The following PTPRD variants were observed in gnomAD, a reference collection of about 807,000 sequenced individuals.
PTPRD encodes the protein receptor-type tyrosine-protein phosphatase delta.
PTPRD carries 34 observed loss-of-function variants against 214.5 expected under a neutral mutation model. The ratio of observed to expected loss-of-function variants is 0.16; its 90% CI spans 0.12 to 0.21. The LOEUF is 0.21. Among genes scored for constraint, PTPRD ranks in the 10% least tolerant of loss-of-function variants. The pLI, the probability that PTPRD is intolerant of heterozygous loss-of-function variation, is 1.00. For synonymous variants in PTPRD, 1,128 were observed against 845.7 expected, an observed-to-expected ratio of 1.33 and a Z score of -5.79; for missense variants, 2,545 against 2,398.7, an observed-to-expected ratio of 1.06 and a Z score of -1.27.
intron 12 of PTPRD, among the ~76,000 whole-genome samples, chr9:8,697,417 C>CTTTTT (rs752677458): frequency 3.8e-4 from 24 of 63,238 alleles, no homozygotes; most frequent in East Asian, 9.4e-4. Flanking sequence ...TTTTTATGTA[C>CTTTTT]TTTTTTTTTT....
intron 9 of PTPRD, among the ~76,000 whole-genome samples, chr9:9,378,736 T>TTG (rs2061430191): frequency 6.6e-6 from 1 of 152,124 alleles, no homozygotes; most frequent in Admixed American, 6.6e-5. Context: ...TATATCGTTG[T>TTG]TTGAATTCAC....
chr9:9,765,867 T>G (rs1488493177), intron 6 of PTPRD, among the ~76,000 whole-genome samples: 1 of 152,144 alleles, frequency 6.6e-6, no homozygotes, highest in African/African-American at 2.4e-5. Context: ...TTTCACCGTG[T>G]TAGCCAGGAT....
chr9:8,505,729 C>G (rs2097531920), intron 22 of PTPRD, among the ~76,000 whole-genome samples: 1 of 150,872 alleles, frequency 6.6e-6, no homozygotes, highest in African/African-American at 2.4e-5. Flanking sequence ...CAAAAGTTTT[C>G]AGGAATTTTA....
At chr9:8,839,300 T>TTTTATTTATTTGTTTGTTTA (rs1389844462) in intron 11 of PTPRD, among the ~76,000 whole-genome samples, 1 of 150,326 alleles carries the variant, frequency 6.7e-6, no homozygotes, top group African/African-American at 2.4e-5. Context: ...ACCAAGGGGA[T>TTTTATTTATTTGTTTGTTTA]TTTATTTATT....
chr9:8,355,885 G>T (rs992408012), intron 39 of PTPRD, among the ~76,000 whole-genome samples: 15 of 152,232 alleles, frequency 9.9e-5, no homozygotes, highest in Non-Finnish European at 1.9e-4. Context: ...TTTGGGTAAT[G>T]AGGATACAGG....
chr9:8,459,290 G>C lies in PTPRD; in HGVS notation c.3875+1121C>G, dbSNP rs191981449. On this transcript the variant is annotated intron_variant, in intron 33 of 45. Coordinates refer to ENST00000381196, the MANE Select transcript of PTPRD (RefSeq NM_002839.4). ...CTCTTTTTAGATTCTGAAGGCCAAG[G>C]TTAGGGACAGGGAGAGAAGCTATCT... Among the ~76,000 whole-genome samples the C allele has an allele frequency of 3.3e-5, 5 of 152,142 alleles. No homozygotes were observed. The East Asian group carries it at 9.7e-4, about 29-fold the overall frequency.
chr9:10,356,293 A>G (rs1222011663), intron 2 of PTPRD, among the ~76,000 whole-genome samples: 1 of 152,150 alleles, frequency 6.6e-6, no homozygotes, highest in Non-Finnish European at 1.5e-5. Context: ...TGTCTGTTCC[A>G]TGCTGCCCAT....
chr9:9,322,518 A>G (rs1007352502), intron 9 of PTPRD, among the ~76,000 whole-genome samples: 1 of 152,106 alleles, frequency 6.6e-6, no homozygotes, highest in Admixed American at 6.6e-5. Context: ...CTTCTCATAT[A>G]CCTAGGTTTA....
intron 3 of PTPRD, among the ~76,000 whole-genome samples, chr9:10,212,516 G>C (rs1260312432): frequency 6.6e-6 from 1 of 152,058 alleles, no homozygotes; most frequent in Non-Finnish European, 1.5e-5. Flanking sequence ...TATTCCAACA[G>C]GAGTGTTTTA....
At chr9:10,440,238 C>T (rs1007891621) in intron 2 of PTPRD, among the ~76,000 whole-genome samples, 1 of 151,512 alleles carries the variant, frequency 6.6e-6, no homozygotes, top group Non-Finnish European at 1.5e-5. Context: ...TCAGGTATTC[C>T]TTTAAATACT....
At chr9:8,450,722 C>G (rs1342522717) in intron 33 of PTPRD, among the ~76,000 whole-genome samples, 5 of 152,182 alleles carry the variant, frequency 3.3e-5, no homozygotes, top group Non-Finnish European at 5.9e-5. Context: ...CAAGAAATGT[C>G]AGATCTGTAT....
chr9:9,912,981 C>T (rs1353551870), intron 5 of PTPRD, among the ~76,000 whole-genome samples: 1 of 152,092 alleles, frequency 6.6e-6, no homozygotes, highest in Non-Finnish European at 1.5e-5. Flanking sequence ...TAAAGACAAG[C>T]ACATTAAATA....
intron 2 of PTPRD, among the ~76,000 whole-genome samples, chr9:10,518,250 C>A (rs1351685851): frequency 6.6e-6 from 1 of 151,922 alleles, no homozygotes; most frequent in Non-Finnish European, 1.5e-5. Context: ...TTTCAATCAC[C>A]AACTACATAA....
chr9:9,899,672 A>G (rs1487127532), intron 5 of PTPRD, among the ~76,000 whole-genome samples: 3 of 152,056 alleles, frequency 2.0e-5, no homozygotes, highest in Non-Finnish European at 4.4e-5. Flanking sequence ...TAGAACCACC[A>G]TATAAGCCAG....
intron 12 of PTPRD, among the ~76,000 whole-genome samples, chr9:8,673,575 C>T (rs2097333187): frequency 6.6e-6 from 1 of 152,094 alleles, no homozygotes; most frequent in Non-Finnish European, 1.5e-5. Context: ...GATGACTTTG[C>T]CTCTTCCTTC....
At chr9:9,142,133 G>C (rs1052292711) in intron 10 of PTPRD, among the ~76,000 whole-genome samples, 3 of 152,216 alleles carry the variant, frequency 2.0e-5, no homozygotes, top group African/African-American at 7.2e-5. Flanking sequence ...AACAAGTGTG[G>C]GTTGTGGACA....
intron 5 of PTPRD, among the ~76,000 whole-genome samples, chr9:9,786,499 C>A (rs2098925188): frequency 6.6e-6 from 1 of 152,116 alleles, no homozygotes; most frequent in African/African-American, 2.4e-5. Context: ...AATGCTAATA[C>A]TGAAAACAGC....
intron 11 of PTPRD, among the ~76,000 whole-genome samples, chr9:8,805,640 T>C (rs1412580019): frequency 1.3e-5 from 2 of 151,696 alleles, no homozygotes; most frequent in South Asian, 2.1e-4. Context: ...TTCACTCTTG[T>C]TGCCCAGGCT....
intron 7 of PTPRD, among the ~76,000 whole-genome samples, chr9:9,593,996 G>A (rs2093028669): frequency 6.6e-6 from 1 of 151,974 alleles, no homozygotes; most frequent in Admixed American, 6.6e-5. Context: ...TGACAATATA[G>A]GATAGTACAG....
Sources: gnomAD v4.1 joint callset for allele counts (sites outside exome capture counted in the v4.1 genomes callset) on GRCh38, gnomAD v4.1.1 for gene constraint, MANE v1.5 for transcripts, NCBI Gene and HGNC (gene_info 2026-07-23, HGNC 2026-07-21) for gene names.